CDH7: variants seen among roughly 807,000 people sequenced by gnomAD.
CDH7 encodes cadherin 7.
Under a neutral mutation model 71.8 loss-of-function variants are expected in CDH7, and 25 were observed. The observed-to-expected ratio is 0.35, with a 90% confidence interval of 0.25 to 0.49. The LOEUF is 0.49. Among genes scored for constraint, CDH7 ranks in the 20% least tolerant of loss-of-function variants. CDH7 has a pLI of 0.99. For synonymous variants in CDH7, 381 were observed against 363.8 expected, an observed-to-expected ratio of 1.05 and a Z score of -0.54; for missense variants, 862 against 974.6, an observed-to-expected ratio of 0.88 and a Z score of 1.54.
At chr18:65,782,016 CT>C (rs1910280383) in intron 2 of CDH7, among the ~76,000 whole-genome samples, 1 of 45,000 alleles carries the variant, frequency 2.2e-5, no homozygotes, top group African/African-American at 3.4e-4. Flanking sequence ...CTCTCTTTCT[CT>C]CTCTCTTTCT....
chr18:65,753,651 A>G (rs1598979883), intron 1 of CDH7, among the ~76,000 whole-genome samples: 1 of 152,186 alleles, frequency 6.6e-6, no homozygotes, highest in Non-Finnish European at 1.5e-5. Context: ...GAGGACAAGG[A>G]AAGAAGACAT....
At chr18:65,826,166 A>T (rs1912121946) in intron 6 of CDH7, among the ~76,000 whole-genome samples, 1 of 151,472 alleles carries the variant, frequency 6.6e-6, no homozygotes, top group Non-Finnish European at 1.5e-5. Context: ...GAGACAAAAA[A>T]ACCTAGATTA....
At chr18:65,809,541 C>T (rs1203051315) in intron 2 of CDH7, among the ~76,000 whole-genome samples, 163 bp from the exon 3 acceptor site, 1 of 152,164 alleles carries the variant, frequency 6.6e-6, no homozygotes, top group Non-Finnish European at 1.5e-5. Context: ...CAAGCTGACA[C>T]ATTCTAATAG....
Position 65,796,120 on chromosome 18 carries a change from G to T in CDH7, c.211-13584G>T, listed in dbSNP as rs540096542. The stretch of plus-strand genomic sequence containing the variant: ...ATGGACTAATATAATATCCTTTAAA[G>T]ATATTTTGTGTATGTTATTGACATA... On this transcript the variant is annotated intron_variant, in intron 2 of 11. Coordinates refer to ENST00000397968, the MANE Select transcript of CDH7 (RefSeq NM_004361.5). 3.3e-5 allele frequency among the ~76,000 whole-genome samples: 5 copies of T among 152,174 alleles called. 1 individual carries two copies. The East Asian group carries it at 5.8e-4, about 18-fold the overall frequency.
At chr18:65,874,782 T>C (rs1568232912) in intron 11 of CDH7, among the ~76,000 whole-genome samples, 1 of 151,992 alleles carries the variant, frequency 6.6e-6, no homozygotes, top group Non-Finnish European at 1.5e-5. Context: ...TGTGGCCTTA[T>C]TTAGCAATGG....
chr18:65,804,008 C>G lies in CDH7; in HGVS notation c.211-5696C>G, dbSNP rs550713771. Among the ~76,000 whole-genome samples the G allele has an allele frequency of 2.6e-5, 4 of 152,146 alleles. No individual in the cohort carries two copies. The South Asian group carries it at 8.3e-4, about 31-fold the overall frequency. ...TTTTAAGGAAAACTTTAATACAAAG[C>G]TGCAATTATTGTCATCCTTATTGTC... is the stretch of plus-strand genomic sequence containing the variant. On this transcript the variant is annotated intron_variant, in intron 2 of 11. Coordinates refer to ENST00000397968, the MANE Select transcript of CDH7 (RefSeq NM_004361.5).
At chr18:65,774,767 C>A (rs1568177723) in intron 2 of CDH7, among the ~76,000 whole-genome samples, 1 of 152,084 alleles carries the variant, frequency 6.6e-6, no homozygotes, top group South Asian at 2.1e-4. Flanking sequence ...GTTATACCCC[C>A]CTGATGATGC....
At chr18:65,826,924 ACGTAATAT>A (rs1241823940) in intron 6 of CDH7, among the ~76,000 whole-genome samples, 12 of 151,602 alleles carry the variant, frequency 7.9e-5, no homozygotes, top group Non-Finnish European at 1.5e-4. Context: ...GTATTAAAAA[ACGTAATAT>A]TCTATTTAAT....
intron 11 of CDH7, among the ~76,000 whole-genome samples, chr18:65,874,171 GCTTT>G (rs1313567100): frequency 9.9e-5 from 15 of 152,092 alleles, no homozygotes; most frequent in Non-Finnish European, 2.1e-4. Context: ...TGGAATTTAG[GCTTT>G]AAACCTGTGG....
intron 7 of CDH7, among the ~76,000 whole-genome samples, chr18:65,849,302 A>G (rs1913046619): frequency 6.6e-6 from 1 of 151,604 alleles, no homozygotes; most frequent in African/African-American, 2.4e-5. Flanking sequence ...TGTAGGTTAA[A>G]TTTTGCAGGA....
At chr18:65,773,774 T>A (rs1375662372) in intron 2 of CDH7, among the ~76,000 whole-genome samples, 2 of 152,138 alleles carry the variant, frequency 1.3e-5, no homozygotes, top group African/African-American at 4.8e-5. Flanking sequence ...GTAATATCTG[T>A]ATGTTCTCAG....
intron 7 of CDH7, among the ~76,000 whole-genome samples, chr18:65,845,817 G>A (rs770186832): frequency 1.3e-5 from 2 of 151,992 alleles, no homozygotes; most frequent in Non-Finnish European, 2.9e-5. Flanking sequence ...TAGCAACTTG[G>A]GAGGCTGAAA....
At chr18:65,772,550 C>T (rs1916577426) in intron 2 of CDH7, among the ~76,000 whole-genome samples, 1 of 152,000 alleles carries the variant, frequency 6.6e-6, no homozygotes, top group Non-Finnish European at 1.5e-5. Flanking sequence ...ATGTAGCCAT[C>T]AACAGTTAAA....
intron 11 of CDH7, among the ~76,000 whole-genome samples, chr18:65,873,382 A>G (rs1240278353): frequency 6.6e-6 from 1 of 152,182 alleles, no homozygotes; most frequent in Non-Finnish European, 1.5e-5. Context: ...GTTATTGTGA[A>G]CCATCAGTGT....
At chr18:65,770,596 A>C (rs985184169) in intron 2 of CDH7, among the ~76,000 whole-genome samples, 2 of 152,170 alleles carry the variant, frequency 1.3e-5, no homozygotes, top group African/African-American at 4.8e-5. Flanking sequence ...TTGCCTAGTC[A>C]GTACTTATTA....
At chr18:65,856,717 T>C (rs1913369339) in intron 7 of CDH7, among the ~76,000 whole-genome samples, 2 of 152,086 alleles carry the variant, frequency 1.3e-5, no homozygotes, top group Admixed American at 6.6e-5. Flanking sequence ...GTTTGTTCTT[T>C]CGTTCATTTG....
At chr18:65,781,857 T>C (rs1568181656) in intron 2 of CDH7, among the ~76,000 whole-genome samples, 2 of 80,948 alleles carry the variant, frequency 2.5e-5, no homozygotes, top group African/African-American at 2.0e-4. Context: ...TTTCTTTCTT[T>C]CTTTCTTTCT....
intron 2 of CDH7, among the ~76,000 whole-genome samples, chr18:65,799,112 C>T (rs1398940700): frequency 6.6e-6 from 1 of 152,032 alleles, no homozygotes; most frequent in Admixed American, 6.6e-5. Flanking sequence ...TGTCCATTTG[C>T]CATTAAGATG....
chr18:65,808,908 G>C (rs1174140393), intron 2 of CDH7, among the ~76,000 whole-genome samples: 1 of 152,146 alleles, frequency 6.6e-6, no homozygotes, highest in Non-Finnish European at 1.5e-5. Context: ...AATTACGTGT[G>C]AGTTTCCTGA....
Sources: gnomAD v4.1 joint callset for allele counts (sites outside exome capture counted in the v4.1 genomes callset) on GRCh38, gnomAD v4.1.1 for gene constraint, MANE v1.5 for transcripts, NCBI Gene and HGNC (gene_info 2026-07-23, HGNC 2026-07-21) for gene names.